FLT3: variants seen among roughly 807,000 people sequenced by gnomAD.
FLT3 encodes fms related receptor tyrosine kinase 3.
Under a neutral mutation model 126.6 loss-of-function variants are expected in FLT3, and 46 were observed. The observed-to-expected ratio is 0.36, with a 90% CI of 0.29 to 0.46. The LOEUF is 0.46. Ranked by LOEUF, FLT3 falls within the 20% of genes least tolerant of loss-of-function variation. The pLI, the probability that FLT3 is intolerant of heterozygous loss-of-function variation, is 1.00. For synonymous variants in FLT3, 404 were observed against 434.4 expected (o/e 0.93, Z 0.87); for missense variants, 1,069 against 1,190.3 (o/e 0.90, Z 1.50).
At chr13:28,018,708 C>T (rs1192313998) in intron 19 of FLT3, 119 bp from the exon 20 acceptor site, 9 of 1,056,172 alleles carry the variant, frequency 8.5e-6, no homozygotes, top group Non-Finnish European at 1.1e-5. Context: ...CTTATCTTTA[C>T]TGGGCTGTGC....
intron 9 of FLT3, among the ~76,000 whole-genome samples, chr13:28,038,717 C>T (rs1033409014): frequency 5.9e-5 from 9 of 151,980 alleles, no homozygotes; most frequent in South Asian, 2.1e-4. Flanking sequence ...ACTCCCAAAG[C>T]GCTGGGATTA....
At chr13:28,033,810 A>C (rs1873572642) in intron 15 of FLT3, 77 bp downstream of exon 15, 1 of 1,083,586 alleles carries the variant, frequency 9.2e-7, no homozygotes, top group Non-Finnish European at 1.4e-6. Flanking sequence ...AGGATGGAAA[A>C]GAGAAGAAGG....
chr13:28,035,550 G>A lies in FLT3; in HGVS notation c.1542C>T (p.Cys514=), dbSNP rs1873754644. The change falls in exon 12 of 24, where the codon TGC becomes TGT. Residue 514 remains cysteine (C), a synonymous_variant. Transcript: ENST00000241453. ...SEAIKGFLVK[C]CAYNSLGTSC... ...ATGTGCCAAGGGAATTGTATGCACAGCACTTGACCAGGAACCCTTTTATGG... is the reference window on the plus strand; with the variant it reads ...ATGTGCCAAGGGAATTGTATGCACAACACTTGACCAGGAACCCTTTTATGG... 8 of 1,614,144 alleles carry A rather than the reference G, an allele frequency of 5.0e-6. No homozygotes were observed. The highest frequency in any genetic ancestry group is 6.8e-6 in the Non-Finnish European group (8 of 1,179,984).
chr13:28,098,095 G>A (rs376434735), intron 1 of FLT3, among the ~76,000 whole-genome samples: 88 of 151,926 alleles, frequency 5.8e-4, no homozygotes, highest in African/African-American at 2.0e-3. Flanking sequence ...TGGGTGGATC[G>A]CCTAAGGTCA....
intron 22 of FLT3, 127 bp from the exon 23 acceptor site, chr13:28,014,684 G>A: frequency 1.6e-6 from 1 of 642,174 alleles, no homozygotes; most frequent in Admixed American, 2.8e-5. Flanking sequence ...TTGTTTTGTG[G>A]CAAGTCCTCT....
intron 8 of FLT3, among the ~76,000 whole-genome samples, chr13:28,049,013 G>A (rs1472746792): frequency 6.6e-6 from 1 of 152,190 alleles, no homozygotes; most frequent in Non-Finnish European, 1.5e-5. Flanking sequence ...AGTGCGGTTA[G>A]TTGGTTCTTA....
At chr13:28,047,555 A>G (rs1249969460) in intron 9 of FLT3, among the ~76,000 whole-genome samples, 1 of 151,942 alleles carries the variant, frequency 6.6e-6, no homozygotes, top group Non-Finnish European at 1.5e-5. Context: ...TACCAAAAAT[A>G]CAAAAAATTA....
intron 3 of FLT3, among the ~76,000 whole-genome samples, chr13:28,060,892 A>G (rs1566090390): frequency 6.6e-6 from 1 of 151,916 alleles, no homozygotes; most frequent in Admixed American, 6.6e-5. Flanking sequence ...GGCATGAGCC[A>G]CTGCACCCAA....
At chr13:28,045,227 A>C (rs1874745611) in intron 9 of FLT3, among the ~76,000 whole-genome samples, 1 of 152,192 alleles carries the variant, frequency 6.6e-6, no homozygotes, top group East Asian at 1.9e-4. Context: ...AAAATCTCAA[A>C]AGGTTATACC....
intron 9 of FLT3, among the ~76,000 whole-genome samples, chr13:28,047,681 T>C (rs1282937188): frequency 7.1e-6 from 1 of 140,632 alleles, no homozygotes; most frequent in African/African-American, 2.7e-5. Flanking sequence ...CACTGCACTA[T>C]AGCCTAGGTG....
chr13:28,084,647 G>A (rs904041762), intron 1 of FLT3, among the ~76,000 whole-genome samples: 10 of 152,094 alleles, frequency 6.6e-5, no homozygotes, highest in African/African-American at 1.9e-4. Context: ...TAATGCTATT[G>A]TAGTCAGAAG....
chr13:28,070,473 A>T lies in FLT3; in HGVS notation c.165+18T>A. 1 of 1,602,688 alleles carries T rather than the reference A, an allele frequency of 6.2e-7. No homozygotes were observed. Among genetic ancestry groups the T allele is most frequent in the Non-Finnish European group, 8.5e-7 (1 of 1,173,046 alleles). The stretch of plus-strand genomic sequence containing the variant: ...CTAGAGAAAAACAGCTAAAGGTATA[A>T]TTTTAATGTTACTTTACCATGGGAT... On this transcript the variant is annotated intron_variant, in intron 2 of 23. Transcript: ENST00000241453.
chr13:28,003,755 A>G lies in FLT3; in HGVS notation c.*297T>C, dbSNP rs1390668742. 3 of 366,274 alleles carry G rather than the reference A, an allele frequency of 8.2e-6. No individual in the cohort carries two copies. The highest frequency in any genetic ancestry group is 1.5e-5 in the Non-Finnish European group (3 of 199,432). 22.7% of individuals were successfully genotyped at this position (366,274 alleles called of 1,614,324 possible). A position where few individuals can be genotyped will look rare whatever the true frequency, so the allele number is the denominator to read the frequency against. ...TGCTTTTGTTTTATGTATTTACAAG[A>G]ATATACTGTACTTCAGGTACACAAT... On this transcript the variant is annotated 3_prime_UTR_variant, in exon 24 of 24. Coordinates refer to ENST00000241453, the MANE Select transcript of FLT3 (RefSeq NM_004119.3).
Position 28,066,898 on chromosome 13 carries a change from G to C in FLT3, c.165+3593C>G, listed in dbSNP as rs1404413855. ...TTATTAATTATAAGTGAAGAAAATA[G>C]TAACTTTGCAGTGGGGATACCTGGC... On this transcript the variant is annotated intron_variant, in intron 2 of 23. Transcript: ENST00000241453. Among the ~76,000 whole-genome samples the C allele has an allele frequency of 7.2e-5, 11 of 152,252 alleles. No individual in the cohort carries two copies. The South Asian group carries it at 1.9e-3, about 26-fold the overall frequency.
intron 9 of FLT3, among the ~76,000 whole-genome samples, chr13:28,039,283 C>A (rs1874125672): frequency 6.6e-6 from 1 of 152,038 alleles, no homozygotes; most frequent in East Asian, 1.9e-4. Context: ...CTTATTGCAA[C>A]CTCTGCCTCC....
intron 9 of FLT3, among the ~76,000 whole-genome samples, chr13:28,039,207 T>G (rs1874116966): frequency 1.3e-5 from 2 of 152,172 alleles, no homozygotes; most frequent in Non-Finnish European, 2.9e-5. Context: ...TTTACTTACT[T>G]TATTTATTTA....
At chr13:28,025,024 T>G in intron 17 of FLT3, 81 bp from the exon 18 acceptor site, 1 of 793,918 alleles carries the variant, frequency 1.3e-6, no homozygotes. Context: ...ATTCATCAAA[T>G]AAATGGATTC....
chr13:28,009,904 T>C (rs879589741), intron 23 of FLT3, among the ~76,000 whole-genome samples: 5 of 152,094 alleles, frequency 3.3e-5, no homozygotes, highest in Non-Finnish European at 7.4e-5. Flanking sequence ...CTATAATTTA[T>C]GGGGCTGAGT....
rs370618794 is a variant in FLT3, at chr13:28,034,324, G to T, written c.1681C>A (p.Leu561Ile). 1.1e-5 allele frequency: 17 copies of T among 1,613,726 alleles called. No individual in the cohort carries two copies. The highest frequency in any genetic ancestry group is 1.4e-5 in the Non-Finnish European group (16 of 1,179,658). ...CLLFIVVLTLLICHKYKKQFR... is the reference protein window; with the variant it reads ...CLLFIVVLTLIICHKYKKQFR... ...ACCTTTTTGTACTTGTGACAAATTA[G>T]CAGGGTTAAAACGACAATGAAGAGG... The change falls in exon 13 of 24, where the codon CTA (leucine) becomes ATA (isoleucine). Residue 561 changes from leucine (L) to isoleucine (I), a missense_variant. Leu to Ile is a conservative substitution (Grantham distance 5). Transcript: ENST00000241453.
Sources: gnomAD v4.1 joint callset for allele counts (sites outside exome capture counted in the v4.1 genomes callset) on GRCh38, gnomAD v4.1.1 for gene constraint, MANE v1.5 for transcripts, NCBI Gene and HGNC (gene_info 2026-07-23, HGNC 2026-07-21) for gene names.